The following IQGAP1 variants were observed in gnomAD, a reference collection of about 807,000 sequenced individuals.
IQGAP1 encodes ras GTPase-activating-like protein IQGAP1.
IQGAP1 carries 66 observed loss-of-function variants against 215.6 expected under a neutral mutation model. The ratio of observed to expected loss-of-function variants is 0.31; its 90% CI spans 0.25 to 0.38. The LOEUF (loss-of-function observed/expected upper bound fraction) is 0.38. Ranked by LOEUF, IQGAP1 falls within the 10% of genes least tolerant of loss-of-function variation. The pLI, the probability that IQGAP1 is intolerant of heterozygous loss-of-function variation, is 1.00. For synonymous variants in IQGAP1, 772 were observed against 728.7 expected (o/e 1.06, Z -0.96); for missense variants, 1,712 against 1,997.1 (o/e 0.86, Z 2.72).
chr15:90,440,978 G>C (rs1965440855), intron 7 of IQGAP1, among the ~76,000 whole-genome samples: 1 of 152,040 alleles, frequency 6.6e-6, no homozygotes, highest in Admixed American at 6.5e-5. Flanking sequence ...ATGGTGGTGT[G>C]CACCTGTAAT....
chr15:90,456,713 T>TGA (rs1965685101), intron 15 of IQGAP1, among the ~76,000 whole-genome samples: 1 of 127,988 alleles, frequency 7.8e-6, no homozygotes, highest in African/African-American at 2.9e-5. Flanking sequence ...TCATCTCTAC[T>TGA]AAAAAAAAAA....
rs527560325 is a variant in IQGAP1 at position 90,411,116 on chromosome 15, A to G, written c.156-14994A>G. 3.7e-4 allele frequency among the ~76,000 whole-genome samples: 56 copies of G among 152,282 alleles called. 1 individual carries two copies. Among genetic ancestry groups the G allele is most frequent in the African/African-American group, 1.3e-3 (53 of 41,564 alleles). Reference sequence around the variant, plus strand: ...AAAAATATATTGCCTATCTAAGAAAATCAGTTAGCATTCCTCTGGGAAACT... The same window carrying G: ...AAAAATATATTGCCTATCTAAGAAAGTCAGTTAGCATTCCTCTGGGAAACT... On this transcript the variant is annotated intron_variant, in intron 2 of 37. Coordinates refer to ENST00000268182, the MANE Select transcript of IQGAP1 (RefSeq NM_003870.4).
At chr15:90,453,945 G>T (rs2151024194) in intron 13 of IQGAP1, among the ~76,000 whole-genome samples, 1 of 152,262 alleles carries the variant, frequency 6.6e-6, no homozygotes, top group East Asian at 1.9e-4. Context: ...CCTGGATTAG[G>T]GAGACCACTT....
At chr15:90,488,659 A>G (rs1287175182) in intron 33 of IQGAP1, among the ~76,000 whole-genome samples, 1 of 152,210 alleles carries the variant, frequency 6.6e-6, no homozygotes. Context: ...GTTTCAGGAA[A>G]GAGGCCAGTG....
At chr15:90,451,128 G>T (rs1394463052) in intron 11 of IQGAP1, among the ~76,000 whole-genome samples, 2 of 152,012 alleles carry the variant, frequency 1.3e-5, no homozygotes, top group African/African-American at 2.4e-5. Flanking sequence ...AATCTATTTT[G>T]ATTTATTTTT....
intron 35 of IQGAP1, among the ~76,000 whole-genome samples, chr15:90,493,612 C>T (rs1966235611): frequency 6.6e-6 from 1 of 152,240 alleles, no homozygotes; most frequent in Admixed American, 6.5e-5. Flanking sequence ...ATGTGCCCTT[C>T]ACCTAGATTC....
At chr15:90,399,982 A>G (rs950614840) in intron 2 of IQGAP1, among the ~76,000 whole-genome samples, 5 of 152,212 alleles carry the variant, frequency 3.3e-5, no homozygotes, top group African/African-American at 1.2e-4. Flanking sequence ...ATCTGAAGCT[A>G]GCTTAATTTT....
At chr15:90,423,320 A>T (rs897691615) in intron 2 of IQGAP1, among the ~76,000 whole-genome samples, 1 of 152,048 alleles carries the variant, frequency 6.6e-6, no homozygotes, top group African/African-American at 2.4e-5. Context: ...TGCAGCTTCT[A>T]CCTCCCAGGT....
At chr15:90,498,468 A>AT (rs1216783860) in intron 37 of IQGAP1, among the ~76,000 whole-genome samples, 1 of 151,942 alleles carries the variant, frequency 6.6e-6, no homozygotes, top group African/African-American at 2.4e-5. Context: ...TTATTTTTAA[A>AT]TTTTTTAACC....
chr15:90,388,587 A>AGGC (rs1420004374), intron 1 of IQGAP1, among the ~76,000 whole-genome samples, 191 bp downstream of exon 1: 1 of 151,898 alleles, frequency 6.6e-6, no homozygotes, highest in Non-Finnish European at 1.5e-5. Flanking sequence ...TCGGGGTCCG[A>AGGC]GGCGGCGGAG....
rs540460848 is a variant in IQGAP1, at chr15:90,420,875, G to A, written c.156-5235G>A. Among the ~76,000 whole-genome samples, 5 of 152,288 alleles carry A rather than the reference G, an allele frequency of 3.3e-5. No homozygotes were observed. In the East Asian group the frequency reaches 9.7e-4, roughly 29 times the overall value. Reference sequence around the variant, plus strand: ...TTATTTTTAAATGTCTTTATAGGCCGGGCACAGTGGCTCACGCCTATAATC... The same window carrying A: ...TTATTTTTAAATGTCTTTATAGGCCAGGCACAGTGGCTCACGCCTATAATC... On this transcript the variant is annotated intron_variant, in intron 2 of 37. Transcript: ENST00000268182.
chr15:90,390,616 T>C (rs1216772377), intron 1 of IQGAP1, among the ~76,000 whole-genome samples, 158 bp from the exon 2 acceptor site: 1 of 152,214 alleles, frequency 6.6e-6, no homozygotes, highest in Non-Finnish European at 1.5e-5. Flanking sequence ...ACATAGTTCT[T>C]TTTTTAAGAA....
At chr15:90,454,575 C>G in intron 14 of IQGAP1, 23 bp downstream of exon 14, 1 of 1,513,110 alleles carries the variant, frequency 6.6e-7, no homozygotes, top group Non-Finnish European at 8.8e-7. Flanking sequence ...CCTGTCCTCC[C>G]CAAATAATGT....
At chr15:90,450,806 T>G (rs577648168) in intron 11 of IQGAP1, among the ~76,000 whole-genome samples, 31 of 124,044 alleles carry the variant, frequency 2.5e-4, no homozygotes, top group Middle Eastern at 3.8e-3. Flanking sequence ...ATTTGTGGGG[T>G]TTTTTTTTGT....
At chr15:90,491,244 G>T in intron 33 of IQGAP1, 89 bp from the exon 34 acceptor site, 1 of 1,094,132 alleles carries the variant, frequency 9.1e-7, no homozygotes, top group Non-Finnish European at 1.4e-6. Context: ...TTTAAGAACT[G>T]TATAAGTTCA....
chr15:90,422,640 G>GTATATATATA (rs1301336267), intron 2 of IQGAP1, among the ~76,000 whole-genome samples: 1 of 61,554 alleles, frequency 1.6e-5, no homozygotes, highest in African/African-American at 6.7e-5. Flanking sequence ...ATATATATAT[G>GTATATATATA]TATATGTATA....
At chr15:90,424,281 G>C (rs2657946) in intron 2 of IQGAP1, among the ~76,000 whole-genome samples, 87,720 of 152,050 alleles carry the variant, frequency 0.58, 27,187 homozygotes, top group East Asian at 0.83. Context: ...TCTTTAGGCT[G>C]AATAGAGGTA....
chr15:90,474,170 G>A, intron 22 of IQGAP1, 37 bp downstream of exon 22: 1 of 1,553,376 alleles, frequency 6.4e-7, no homozygotes, highest in South Asian at 1.2e-5. Context: ...TTGAGGCAGT[G>A]GCTGGGAGCC....
intron 2 of IQGAP1, among the ~76,000 whole-genome samples, chr15:90,425,330 GA>G (rs201702390): frequency 6.7e-6 from 1 of 149,014 alleles, no homozygotes; most frequent in Non-Finnish European, 1.5e-5. Flanking sequence ...AGAAGAAAAG[GA>G]AAAAAAAACC....
Sources: gnomAD v4.1 joint callset for allele counts (sites outside exome capture counted in the v4.1 genomes callset) on GRCh38, gnomAD v4.1.1 for gene constraint, MANE v1.5 for transcripts, NCBI Gene and HGNC (gene_info 2026-07-23, HGNC 2026-07-21) for gene names.